The following SFSWAP variants were observed in gnomAD, a reference collection of about 807,000 sequenced individuals.
The protein encoded by SFSWAP is splicing factor, suppressor of white-apricot homolog.
Under a neutral mutation model 100.7 loss-of-function variants are expected in SFSWAP, and 17 were observed. The observed-to-expected ratio is 0.17, with a 90% confidence interval of 0.12 to 0.25. SFSWAP has a LOEUF of 0.25. SFSWAP is among the 10% of genes least tolerant of loss of function. The probability of loss-of-function intolerance (pLI) is 1.00; values close to 1 mark genes in which losing one functional copy is unlikely to be tolerated. For synonymous variants in SFSWAP, 504 were observed against 510.1 expected (o/e 0.99, Z 0.16); for missense variants, 1,005 against 1,262.6 (o/e 0.80, Z 3.09).
At chr12:131,784,897 G>C in intron 14 of SFSWAP, 1 of 459,684 alleles carries the variant, frequency 2.2e-6, no homozygotes, top group Non-Finnish European at 3.8e-6. Flanking sequence ...TTAAGAATTT[G>C]CAGGCCTTAA....
chr12:131,749,988 C>G (rs1400638334), intron 7 of SFSWAP, among the ~76,000 whole-genome samples: 1 of 152,212 alleles, frequency 6.6e-6, no homozygotes, highest in Non-Finnish European at 1.5e-5. Context: ...GGCAGAGACC[C>G]TGTGAGGCCG....
intron 7 of SFSWAP, among the ~76,000 whole-genome samples, chr12:131,741,107 G>A (rs1880585027): frequency 6.6e-6 from 1 of 151,368 alleles, no homozygotes; most frequent in Admixed American, 6.6e-5. Flanking sequence ...GAGTAGCTGG[G>A]ATTACAGGCG....
At chr12:131,727,130 A>G in intron 6 of SFSWAP, 78 bp downstream of exon 6, 5 of 804,510 alleles carry the variant, frequency 6.2e-6, no homozygotes, top group Non-Finnish European at 2.1e-6. Context: ...AATTTGAAGC[A>G]TGTCATTCTT....
At chr12:131,731,101 C>T (rs1164298031) in intron 7 of SFSWAP, among the ~76,000 whole-genome samples, 3 of 152,196 alleles carry the variant, frequency 2.0e-5, no homozygotes, top group Admixed American at 1.3e-4. Context: ...GAGGTGTCCT[C>T]ATCCAGTTTC....
At chr12:131,797,078 A>G (rs769676526) in intron 15 of SFSWAP, 100 bp from the exon 16 acceptor site, 158 of 1,037,340 alleles carry the variant, frequency 1.5e-4, no homozygotes, top group Non-Finnish European at 2.0e-4. Flanking sequence ...TTGTGCCTTG[A>G]TGAACTCTTA....
At chr12:131,741,796 G>A (rs1593135916) in intron 7 of SFSWAP, among the ~76,000 whole-genome samples, 1 of 152,166 alleles carries the variant, frequency 6.6e-6, no homozygotes, top group East Asian at 1.9e-4. Context: ...TGTCTTCCCA[G>A]ATTCATCTGT....
intron 12 of SFSWAP, among the ~76,000 whole-genome samples, chr12:131,764,948 C>T (rs1246100762): frequency 1.3e-5 from 2 of 152,248 alleles, no homozygotes; most frequent in African/African-American, 2.4e-5. Context: ...AGCTCTAATG[C>T]GCCACAGTGG....
chr12:131,716,553 TAAAG>T (rs1877934474), intron 3 of SFSWAP, among the ~76,000 whole-genome samples: 1 of 152,210 alleles, frequency 6.6e-6, no homozygotes, highest in Non-Finnish European at 1.5e-5. Context: ...ACTTCACAAA[TAAAG>T]AGTTGAAATA....
At chr12:131,797,498 C>T (rs537888799) in intron 16 of SFSWAP, 138 bp downstream of exon 16, 60 of 738,594 alleles carry the variant, frequency 8.1e-5, no homozygotes, top group Non-Finnish European at 1.2e-4. Context: ...CAAACCGCAC[C>T]CCCTCTAGCA....
Position 131,733,138 on chromosome 12 carries a change from A to G in SFSWAP, c.1081+4710A>G, listed in dbSNP as rs919591308. On this transcript the variant is annotated intron_variant, in intron 7 of 17. Transcript: ENST00000261674. This position sits in a 1 kb window ranked among gnomAD's most constrained non-coding sequence, Gnocchi z 5.1. ...ACCATGGACACCAGAGACAAGACAA[A>G]GGACATTTTGGCCATGGACTTGAAA... 6.6e-6 allele frequency among the ~76,000 whole-genome samples: 1 copy of G among 152,160 alleles called. No individual in the cohort carries two copies. Among genetic ancestry groups the G allele is most frequent in the Non-Finnish European group, 1.5e-5 (1 of 68,038 alleles).
At chr12:131,786,772 C>T (rs906670048) in intron 15 of SFSWAP, among the ~76,000 whole-genome samples, 184 bp downstream of exon 15, 1 of 152,160 alleles carries the variant, frequency 6.6e-6, no homozygotes, top group South Asian at 2.1e-4. Flanking sequence ...TCACACTGAG[C>T]TCCTGTGTCT....
intron 15 of SFSWAP, among the ~76,000 whole-genome samples, chr12:131,787,845 C>T (rs1002580115): frequency 5.3e-5 from 8 of 152,186 alleles, no homozygotes; most frequent in Non-Finnish European, 1.0e-4. Context: ...CCACGGTTCC[C>T]TCCGTTGACA....
intron 7 of SFSWAP, among the ~76,000 whole-genome samples, chr12:131,750,835 A>G (rs1167562980): frequency 6.6e-6 from 1 of 152,088 alleles, no homozygotes; most frequent in African/African-American, 2.4e-5. Context: ...GGGACTGTAG[A>G]TGTGTACCAT....
rs1376530299 is a variant in SFSWAP at position 131,754,474 on chromosome 12, A to G, written c.1429A>G (p.Ser477Gly). 22 of 1,599,164 alleles carry G rather than the reference A, an allele frequency of 1.4e-5. No homozygotes were observed. Among genetic ancestry groups the G allele is most frequent in the Non-Finnish European group, 1.8e-5 (21 of 1,173,818 alleles). The change falls in exon 9 of 18, where the codon AGT (serine) becomes GGT (glycine). Residue 477 changes from serine to glycine, a missense_variant. Ser to Gly is a moderately conservative substitution (Grantham distance 56, BLOSUM62 0). This residue lies in a region of SFSWAP where 311 missense variants were observed against 317.8 expected (regional missense o/e 0.98). Transcript: ENST00000261674. ...VARNGLKFET[S>G]VRAKNDQRFE... ...CAGGAACGGCCTGAAGTTCGAGACC[A>G]GTGTTCGTGCCAAGAATGATCAAAG...
intron 15 of SFSWAP, 27 bp from the exon 16 acceptor site, chr12:131,797,151 T>A: frequency 6.3e-7 from 1 of 1,594,344 alleles, no homozygotes; most frequent in Non-Finnish European, 8.5e-7. Flanking sequence ...CAAAGCTGCA[T>A]CTCTCACAGA....
chr12:131,716,796 C>T (rs1228121623), intron 3 of SFSWAP, among the ~76,000 whole-genome samples: 1 of 152,038 alleles, frequency 6.6e-6, no homozygotes, highest in Admixed American at 6.5e-5. Context: ...GTTTGTCAGC[C>T]CCTATTCTAG....
chr12:131,755,296 G>A (rs1882054107), intron 9 of SFSWAP, 90 bp from the exon 10 acceptor site: 2 of 872,762 alleles, frequency 2.3e-6, no homozygotes, highest in Admixed American at 3.8e-5. Flanking sequence ...GGATTGTTGA[G>A]ATCAGTAAAG....
chr12:131,738,690 CT>C (rs1385654659), intron 7 of SFSWAP, among the ~76,000 whole-genome samples: 19 of 152,130 alleles, frequency 1.2e-4, no homozygotes, highest in Non-Finnish European at 5.9e-5. Flanking sequence ...AATTATTCAA[CT>C]TTTTCTTTGC....
chr12:131,731,360 G>C (rs1409085847), intron 7 of SFSWAP, among the ~76,000 whole-genome samples: 1 of 152,184 alleles, frequency 6.6e-6, no homozygotes, highest in Non-Finnish European at 1.5e-5. Context: ...TGAGTACCTT[G>C]TTCTGCCTGC....
Sources: allele counts gnomAD v4.1 joint callset (sites outside exome capture counted in the v4.1 genomes callset), GRCh38; gene constraint gnomAD v4.1.1; regional missense constraint gnomAD v4.1.1; non-coding constraint Gnocchi (gnomAD v3.1); transcripts MANE v1.5; gene names NCBI Gene and HGNC (gene_info 2026-07-23, HGNC 2026-07-21).